The following SSBP2 variants were observed in gnomAD, a reference collection of about 807,000 sequenced individuals.
SSBP2 encodes single-stranded DNA-binding protein 2.
A neutral mutation model predicts 61.8 loss-of-function variants in SSBP2; 17 were observed. The ratio of observed to expected loss-of-function variants is 0.28; its 90% CI spans 0.19 to 0.41. SSBP2 has a LOEUF of 0.41. SSBP2 is among the 10% of genes least tolerant of loss of function. The pLI, the probability that SSBP2 is intolerant of heterozygous loss-of-function variation, is 1.00. For synonymous variants in SSBP2, 139 were observed against 141.3 expected, an observed-to-expected ratio of 0.98 and a Z score of 0.12; for missense variants, 310 against 458.7, an observed-to-expected ratio of 0.68 and a Z score of 2.96.
intron 1 of SSBP2, among the ~76,000 whole-genome samples, chr5:81,727,095 G>T (rs923322601): frequency 2.6e-5 from 4 of 152,152 alleles, no homozygotes; most frequent in African/African-American, 9.7e-5. Flanking sequence ...AAATAGTGCC[G>T]ACTTTAGTTA....
chr5:81,609,629 C>G (rs903220016), intron 4 of SSBP2, among the ~76,000 whole-genome samples: 4 of 152,094 alleles, frequency 2.6e-5, no homozygotes, highest in Non-Finnish European at 4.4e-5. Flanking sequence ...GGTGAAACCC[C>G]ACCTCCAAGC....
At chr5:81,591,428 C>A (rs1351175536) in intron 4 of SSBP2, among the ~76,000 whole-genome samples, 1 of 152,162 alleles carries the variant, frequency 6.6e-6, no homozygotes, top group African/African-American at 2.4e-5. Context: ...AAACCACACA[C>A]TGTCAACAGA....
chr5:81,576,993 T>C (rs918644587), intron 4 of SSBP2, among the ~76,000 whole-genome samples: 1 of 152,070 alleles, frequency 6.6e-6, no homozygotes, highest in Non-Finnish European at 1.5e-5. Flanking sequence ...CTCCTTTAAT[T>C]AAGTTCCAGG....
intron 5 of SSBP2, among the ~76,000 whole-genome samples, chr5:81,492,818 GA>G (rs1766959775): frequency 6.6e-6 from 1 of 152,158 alleles, no homozygotes; most frequent in East Asian, 1.9e-4. Context: ...ACCTTAAAAT[GA>G]GAGAGTTAAA....
intron 1 of SSBP2, among the ~76,000 whole-genome samples, chr5:81,699,414 T>C (rs1450603114): frequency 6.6e-6 from 1 of 152,266 alleles, no homozygotes; most frequent in African/African-American, 2.4e-5. Flanking sequence ...ACTAAGTTTA[T>C]GTAATGTTCT....
chr5:81,646,609 TC>T, intron 2 of SSBP2, among the ~76,000 whole-genome samples: 1 of 124,268 alleles, frequency 8.0e-6, no homozygotes, highest in Non-Finnish European at 1.7e-5. Flanking sequence ...TATTACATTC[TC>T]CTTTTTTTTT....
chr5:81,535,331 C>T (rs1478649452), intron 4 of SSBP2, among the ~76,000 whole-genome samples: 6 of 152,010 alleles, frequency 3.9e-5, no homozygotes. Context: ...GACTCAATAT[C>T]TCAATATTGT....
chr5:81,739,075 C>T (rs111699232), intron 1 of SSBP2, among the ~76,000 whole-genome samples: 7,085 of 134,694 alleles, frequency 0.053, 214 homozygotes, highest in East Asian at 0.14. Context: ...TGAAGCAGGA[C>T]AATCGCTTGA....
chr5:81,643,487 ACTGTTCCCACCAATTTT>A (rs1321756681), intron 2 of SSBP2, among the ~76,000 whole-genome samples: 18 of 151,974 alleles, frequency 1.2e-4, no homozygotes, highest in African/African-American at 4.1e-4. Context: ...GACATAACCT[ACTGTTCCCACCAATTTT>A]CTAAAATCTC....
In SSBP2 at chr5:81,750,670, G is replaced by A. The variant is rs1757701402; in HGVS notation, c.62+311C>T. The stretch of plus-strand genomic sequence containing the variant: ...CCCAGCTCTAAAGTTACTTTGGAAG[G>A]TGAACCCGCGGGTTATTTCCCTCAA... On this transcript the variant is annotated intron_variant, in intron 1 of 16. Transcript: ENST00000320672. 3 of 392,072 alleles carry A rather than the reference G, an allele frequency of 7.7e-6. No individual in the cohort carries two copies. The East Asian group carries it at 1.6e-4, about 21-fold the overall frequency. 24.3% of individuals were successfully genotyped at this position (392,072 alleles called of 1,614,324 possible).
At chr5:81,447,314 G>C (rs1383607314) in intron 11 of SSBP2, among the ~76,000 whole-genome samples, 1 of 152,094 alleles carries the variant, frequency 6.6e-6, no homozygotes, top group Non-Finnish European at 1.5e-5. Context: ...TAAAAATGAA[G>C]ATATCTGCTT....
intron 5 of SSBP2, among the ~76,000 whole-genome samples, chr5:81,494,130 A>T (rs2154060215): frequency 6.6e-6 from 1 of 152,220 alleles, no homozygotes; most frequent in East Asian, 1.9e-4. Flanking sequence ...AAACCCAGGG[A>T]AAATAATATT....
At chr5:81,460,262 T>C (rs1764445004) in intron 10 of SSBP2, among the ~76,000 whole-genome samples, 2 of 152,202 alleles carry the variant, frequency 1.3e-5, no homozygotes, top group Non-Finnish European at 2.9e-5. Context: ...GATCACAGGT[T>C]GTATTTCATT....
chr5:81,600,378 C>T (rs527433444), intron 4 of SSBP2, among the ~76,000 whole-genome samples: 7 of 151,692 alleles, frequency 4.6e-5, no homozygotes, highest in East Asian at 1.9e-4. Context: ...CTGGCCAATA[C>T]GGTGAAACCC....
rs1561397097 is a variant in SSBP2 at position 81,437,411 on chromosome 5, CA to C, written c.957+18del. ...AATAAAATTCTGATTAAAAACAACA[CA>C]GAATACACAGCACTCACCTTGGAAA... On this transcript the variant is annotated intron_variant, in intron 15 of 16. Transcript: ENST00000320672. 6.3e-7 allele frequency: 1 copy of C among 1,595,982 alleles called. No individual in the cohort carries two copies.
chr5:81,615,770 A>AC (rs1401208402), intron 3 of SSBP2, among the ~76,000 whole-genome samples: 2 of 152,264 alleles, frequency 1.3e-5, no homozygotes, highest in Non-Finnish European at 2.9e-5. Context: ...TAAGACTTTT[A>AC]TAAAAAAAAA....
chr5:81,450,116 G>A (rs1042310378), intron 10 of SSBP2, among the ~76,000 whole-genome samples: 2 of 151,966 alleles, frequency 1.3e-5, no homozygotes, highest in South Asian at 2.1e-4. Context: ...CTGCAGTCTC[G>A]ACCTCCTGGG....
rs1561459572 is a variant in SSBP2 at position 81,488,059 on chromosome 5, A to AT, written c.432+1190_432+1191insA. 4.6e-3 allele frequency among the ~76,000 whole-genome samples: 297 copies of AT among 65,160 alleles called. 7 individuals carry two copies. Among genetic ancestry groups the AT allele is most frequent in the South Asian group, 0.015 (31 of 2,002 alleles). 42.7% of individuals were successfully genotyped at this position (65,160 alleles called of 152,430 possible). A position where few individuals can be genotyped will look rare whatever the true frequency, so the allele number is the denominator to read the frequency against. ...TATATATATATATATATATATATATAAATAAAATATCATATATTATATATA... is the reference window on the plus strand; with the variant it reads ...TATATATATATATATATATATATATATAATAAAATATCATATATTATATATA... On this transcript the variant is annotated intron_variant, in intron 6 of 16. Coordinates refer to ENST00000320672, the MANE Select transcript of SSBP2 (RefSeq NM_012446.5).
intron 10 of SSBP2, among the ~76,000 whole-genome samples, chr5:81,459,524 C>CAGAA (rs1764396883): frequency 6.6e-6 from 1 of 152,014 alleles, no homozygotes; most frequent in Non-Finnish European, 1.5e-5. Flanking sequence ...GGTTTTTGTG[C>CAGAA]TTCTAGGTGG....
Sources: allele counts gnomAD v4.1 joint callset (sites outside exome capture counted in the v4.1 genomes callset), GRCh38; gene constraint gnomAD v4.1.1; transcripts MANE v1.5; gene names NCBI Gene and HGNC (gene_info 2026-07-23, HGNC 2026-07-21).